ZFHX4: variants seen among roughly 807,000 people sequenced by gnomAD.
ZFHX4 encodes the protein zinc finger homeobox protein 4.
A neutral mutation model predicts 267.6 loss-of-function variants in ZFHX4; 56 were observed. The ratio of observed to expected loss-of-function variants is 0.21; its 90% CI spans 0.17 to 0.26. The LOEUF (loss-of-function observed/expected upper bound fraction) is 0.26, where lower values mean the gene tolerates loss of function less well. Ranked by LOEUF, ZFHX4 falls within the 10% of genes least tolerant of loss-of-function variation. The probability of loss-of-function intolerance (pLI) is 1.00; values close to 1 mark genes in which losing one functional copy is unlikely to be tolerated. For missense variants in ZFHX4, 4,332 were observed against 4,420.0 expected, an observed-to-expected ratio of 0.98 and a Z score of 0.56; for synonymous variants, 1,778 against 1,665.6, an observed-to-expected ratio of 1.07 and a Z score of -1.64.
At chr8:76,737,351 A>G (rs1383802166) in intron 3 of ZFHX4, among the ~76,000 whole-genome samples, 1 of 152,176 alleles carries the variant, frequency 6.6e-6, no homozygotes, top group Non-Finnish European at 1.5e-5. Context: ...CCTTGCCATA[A>G]AATGGCCATA....
At chr8:76,860,655 T>C (rs1263281385) in intron 10 of ZFHX4, among the ~76,000 whole-genome samples, 1 of 152,096 alleles carries the variant, frequency 6.6e-6, no homozygotes, top group East Asian at 1.9e-4. Context: ...GTTTTGTGAG[T>C]AGGCAAAGGA....
chr8:76,852,622 G>T lies in ZFHX4; in HGVS notation c.5701G>T (p.Ala1901Ser). The change falls in exon 10 of 11, where the codon GCT becomes TCT. Residue 1901 changes from alanine (A) to serine (S), a missense_variant. Ala to Ser is a moderately conservative substitution (Grantham distance 99, BLOSUM62 1). Coordinates refer to ENST00000651372, the MANE Select transcript of ZFHX4 (RefSeq NM_024721.5). ...ACCATCCATCCCACCACCCCGAATAGCTTCAGGGGCCAGAGGAAATGCTGC... is the reference window on the plus strand; with the variant it reads ...ACCATCCATCCCACCACCCCGAATATCTTCAGGGGCCAGAGGAAATGCTGC... ...LEPSIPPPRI[A>S]SGARGNAAKA... The T allele has an allele frequency of 6.2e-7, 1 of 1,612,846 alleles. No homozygotes were observed. Among genetic ancestry groups the T allele is most frequent in the Non-Finnish European group, 8.5e-7 (1 of 1,179,288 alleles).
At chr8:76,713,836 G>C (rs1386576373) in intron 3 of ZFHX4, among the ~76,000 whole-genome samples, 3 of 151,714 alleles carry the variant, frequency 2.0e-5, no homozygotes, top group African/African-American at 7.3e-5. Flanking sequence ...TCAGGGATTG[G>C]GGTTAGGTAG....
Position 76,849,499 on chromosome 8 carries a change from C to T in ZFHX4, c.3646-13C>T. The T allele has an allele frequency of 6.2e-7, 1 of 1,604,590 alleles. No individual in the cohort carries two copies. Among genetic ancestry groups the T allele is most frequent in the Non-Finnish European group, 8.5e-7 (1 of 1,171,464 alleles). On this transcript the variant is annotated splice_polypyrimidine_tract_variant and intron_variant, in intron 7 of 10. Coordinates refer to ENST00000651372, the MANE Select transcript of ZFHX4 (RefSeq NM_024721.5). ...TTAACTAATAGTGGCCATGTTTATT[C>T]AATATTTTCCAGTTCTATCAATGTC... is the stretch of plus-strand genomic sequence containing the variant.
At chr8:76,755,520 C>T (rs762549982) in intron 3 of ZFHX4, among the ~76,000 whole-genome samples, 4 of 152,074 alleles carry the variant, frequency 2.6e-5, no homozygotes, top group South Asian at 2.1e-4. Flanking sequence ...TATAAAAGCG[C>T]GGCTAAACAT....
intron 3 of ZFHX4, among the ~76,000 whole-genome samples, chr8:76,743,103 A>G (rs1365839398): frequency 1.3e-5 from 2 of 152,208 alleles, no homozygotes; most frequent in East Asian, 1.9e-4. Flanking sequence ...GTGCAGAAGT[A>G]TGGGGAAAAG....
rs191198391 is a variant in ZFHX4, at chr8:76,689,272, G to T, written c.-47+7652G>T. 1.5e-3 allele frequency among the ~76,000 whole-genome samples: 231 copies of T among 152,246 alleles called. 1 individual carries two copies. The highest frequency in any genetic ancestry group is 4.1e-3 in the Admixed American group (62 of 15,292). On this transcript the variant is annotated intron_variant, in intron 1 of 10. Transcript: ENST00000651372. ...TTATATTTTAAGACATTGTTAACCA[G>T]GCACCATGTGTTGTAACTGGCAGTT...
At chr8:76,816,129 C>T (rs1364949308) in intron 4 of ZFHX4, among the ~76,000 whole-genome samples, 3 of 152,318 alleles carry the variant, frequency 2.0e-5, no homozygotes, top group African/African-American at 7.2e-5. Context: ...TTTCATTACT[C>T]AAAGTCACAA....
intron 3 of ZFHX4, among the ~76,000 whole-genome samples, chr8:76,739,772 T>C (rs1355491878): frequency 6.6e-6 from 1 of 152,208 alleles, no homozygotes. Flanking sequence ...AATTTAATGT[T>C]ACAATTTTAA....
At chr8:76,687,020 AAT>A (rs1250483973) in intron 1 of ZFHX4, among the ~76,000 whole-genome samples, 1 of 152,226 alleles carries the variant, frequency 6.6e-6, no homozygotes, top group Non-Finnish European at 1.5e-5. Context: ...AGTGCATGTG[AAT>A]ATGTACAAGT....
Position 76,853,786 on chromosome 8 carries a change from G to A in ZFHX4, c.6865G>A (p.Ala2289Thr), listed in dbSNP as rs1192421941. 1 of 1,613,676 alleles carries A rather than the reference G, an allele frequency of 6.2e-7. No homozygotes were observed. Among genetic ancestry groups the A allele is most frequent in the Middle Eastern group, 1.6e-4 (1 of 6,062 alleles). ...QKARKSYENQAETKDNEKREL... is the reference protein window; with the variant it reads ...QKARKSYENQTETKDNEKREL... ...AGCACGAAAGAGTTATGAGAATCAA[G>A]CAGAAACAAAAGATAATGAAAAAAG... Residue 2289 changes from alanine (A) to threonine (T), a missense_variant, in exon 10 of 11, where the codon GCA (alanine) becomes ACA (threonine). Ala to Thr is a moderately conservative substitution (Grantham distance 58). Around this residue, in one of 7 missense-constraint regions of ZFHX4, gnomAD observed 1,648 missense variants for 1,625.0 expected, o/e 1.01. Coordinates refer to ENST00000651372, the MANE Select transcript of ZFHX4 (RefSeq NM_024721.5).
Position 76,852,558 on chromosome 8 carries a change from CAAA to C in ZFHX4, c.5638_5640del (p.Lys1880del). On this transcript the variant is annotated inframe_deletion, in exon 10 of 11. Transcript: ENST00000651372. ...AATTTATAAGTGAAGGTGAAGGACT[CAAA>C]GAAGGCAAAGACACAAAGAAGCAAA... The C allele has an allele frequency of 1.9e-6, 3 of 1,610,820 alleles. No homozygotes were observed. The South Asian group carries it at 3.3e-5, about 18-fold the overall frequency.
At chr8:76,681,859 G>C (rs1209004579) in intron 1 of ZFHX4, among the ~76,000 whole-genome samples, 3 of 151,338 alleles carry the variant, frequency 2.0e-5, no homozygotes, top group African/African-American at 7.3e-5. Flanking sequence ...CTTTTTTTTG[G>C]CTCAAGGTTT....
chr8:76,819,768 C>T (rs1811600296), intron 4 of ZFHX4, among the ~76,000 whole-genome samples: 1 of 152,286 alleles, frequency 6.6e-6, no homozygotes, highest in Non-Finnish European at 1.5e-5. Context: ...TTTGGCCTCA[C>T]CCTATTACAT....
intron 4 of ZFHX4, among the ~76,000 whole-genome samples, chr8:76,811,190 C>T (rs541227746): frequency 6.6e-6 from 1 of 152,302 alleles, no homozygotes; most frequent in East Asian, 1.9e-4. Context: ...CCATTTAAAG[C>T]CAGAGCCCCA....
Position 76,705,312 on chromosome 8 carries a change from G to T in ZFHX4, c.1224G>T (p.Leu408=), listed in dbSNP as rs13250763. The T allele has an allele frequency of 5.6e-6, 9 of 1,613,804 alleles. No individual in the cohort carries two copies. The South Asian group carries it at 7.7e-5, about 14-fold the overall frequency. The change falls in exon 2 of 11, where the codon CTG becomes CTT. Residue 408 remains leucine, a synonymous_variant. Transcript: ENST00000651372. ...AAATGCCAAAGGCTGAAGTGAATCT[G>T]GGGGGGCTGTCTAGTTTAGTAGTGA... ...ITQMPKAEVN[L]GGLSSLVVNT...
chr8:76,785,858 T>G (rs1810673740), intron 4 of ZFHX4, among the ~76,000 whole-genome samples: 1 of 152,168 alleles, frequency 6.6e-6, no homozygotes, highest in African/African-American at 2.4e-5. Context: ...TTCTCTACTT[T>G]CTTTGTATGG....
chr8:76,781,457 A>G (rs149338505), intron 4 of ZFHX4, among the ~76,000 whole-genome samples: 1 of 152,220 alleles, frequency 6.6e-6, no homozygotes, highest in East Asian at 1.9e-4. Context: ...ACGACAAAAC[A>G]ACCAATCATC....
Position 76,786,519 on chromosome 8 carries a change from A to G in ZFHX4, c.3325+8080A>G, listed in dbSNP as rs532007778. 3.9e-5 allele frequency among the ~76,000 whole-genome samples: 6 copies of G among 151,972 alleles called. 1 individual carries two copies. The South Asian group carries it at 8.3e-4, about 21-fold the overall frequency. ...GTCAATGCGATATAGTAAACAGTAG[A>G]CACATCAAATGTGTCAAATTTCAGA... On this transcript the variant is annotated intron_variant, in intron 4 of 10. Transcript: ENST00000651372.
Sources: gnomAD v4.1 joint callset for allele counts (sites outside exome capture counted in the v4.1 genomes callset) on GRCh38, gnomAD v4.1.1 for gene constraint, gnomAD v4.1.1 regional missense constraint, MANE v1.5 for transcripts, NCBI Gene and HGNC (gene_info 2026-07-23, HGNC 2026-07-21) for gene names.